The following RYR2 variants were observed in gnomAD, a reference collection of about 807,000 sequenced individuals.
RYR2 encodes the protein ryanodine receptor 2, also known as cardiac muscle ryanodine receptor-calcium release channel.
In RYR2, 227 loss-of-function variants were observed where a neutral mutation model predicts 601.1. That is an observed-to-expected ratio of 0.38 (90% confidence interval 0.34 to 0.42). The LOEUF is 0.42. Ranked by LOEUF, RYR2 falls within the 10% of genes least tolerant of loss-of-function variation. RYR2 has a pLI of 1.00. For missense variants in RYR2, 4,646 were observed against 6,156.5 expected, an observed-to-expected ratio of 0.75 and a Z score of 8.21; for synonymous variants, 2,223 against 2,175.1, an observed-to-expected ratio of 1.02 and a Z score of -0.61.
At chr1:237,668,271 A>T (rs766137860) in intron 58 of RYR2, among the ~76,000 whole-genome samples, 1 of 152,012 alleles carries the variant, frequency 6.6e-6, no homozygotes, top group Non-Finnish European at 1.5e-5. Context: ...CCCCAACTTA[A>T]ATATCTCCTA....
chr1:237,302,270 C>G (rs940763029), intron 2 of RYR2, among the ~76,000 whole-genome samples: 2 of 152,250 alleles, frequency 1.3e-5, no homozygotes, highest in Non-Finnish European at 2.9e-5. Flanking sequence ...GAAACTTTTA[C>G]ATATTTTGCT....
intron 2 of RYR2, among the ~76,000 whole-genome samples, chr1:237,299,756 C>T (rs1693170297): frequency 8.5e-5 from 13 of 152,178 alleles, no homozygotes. Flanking sequence ...TATGTTTTCA[C>T]AGCACATGTG....
chr1:237,674,628 C>A, intron 59 of RYR2, 103 bp from the exon 60 acceptor site: 1 of 552,448 alleles, frequency 1.8e-6, no homozygotes, highest in Non-Finnish European at 3.2e-6. Context: ...TATAGATAAA[C>A]ATATATGTAT....
At chr1:237,235,003 C>T (rs1270278420) in intron 1 of RYR2, among the ~76,000 whole-genome samples, 1 of 152,026 alleles carries the variant, frequency 6.6e-6, no homozygotes, top group Non-Finnish European at 1.5e-5. Flanking sequence ...TAGTAACCCC[C>T]CCTGGGGTTC....
At chr1:237,609,235 A>G (rs1677526920) in intron 35 of RYR2, among the ~76,000 whole-genome samples, 1 of 122,248 alleles carries the variant, frequency 8.2e-6, no homozygotes, top group Admixed American at 9.5e-5. Flanking sequence ...TCTTACTGAC[A>G]GTCTCACTCT....
chr1:237,454,373 G>T lies in RYR2; in HGVS notation c.1293-18G>T. The T allele has an allele frequency of 1.3e-6, 2 of 1,579,506 alleles. No individual in the cohort carries two copies. Among genetic ancestry groups the T allele is most frequent in the Non-Finnish European group, 1.7e-6 (2 of 1,166,854 alleles). On this transcript the variant is annotated intron_variant, in intron 14 of 104. Coordinates refer to ENST00000366574, the MANE Select transcript of RYR2 (RefSeq NM_001035.3). Reference sequence around the variant, plus strand: ...TGTGAATCACTGACAATAGAGAAATGTTTATGGTTTATTTTAGGGGCCTTG... The same window carrying T: ...TGTGAATCACTGACAATAGAGAAATTTTTATGGTTTATTTTAGGGGCCTTG...
intron 54 of RYR2, among the ~76,000 whole-genome samples, chr1:237,658,605 C>G (rs1485082159): frequency 2.6e-5 from 4 of 152,124 alleles, no homozygotes; most frequent in African/African-American, 9.7e-5. Flanking sequence ...GTTGCCCAGG[C>G]TGGTCTCCAA....
Position 237,819,286 on chromosome 1 carries a change from G to A in RYR2, c.14590+94G>A, listed in dbSNP as rs1468181603. The A allele has an allele frequency of 5.8e-6, 7 of 1,204,240 alleles. No individual in the cohort carries two copies. The African/African-American group carries it at 6.0e-5, about 10-fold the overall frequency. The allele number at this position is 1,204,240 out of a possible 1,614,324, so 74.6% of individuals were successfully genotyped here. A position where few individuals can be genotyped will look rare whatever the true frequency, so the allele number is the denominator to read the frequency against. ...TCAAGGTAGGGTAATGACGTCAAGT[G>A]TTTCCTGGCAAAGCCAAATCAAACT... On this transcript the variant is annotated intron_variant, in intron 101 of 104. Coordinates refer to ENST00000366574, the MANE Select transcript of RYR2 (RefSeq NM_001035.3). This position sits in a 1 kb window ranked among gnomAD's most constrained non-coding sequence, Gnocchi z 4.0.
rs559727399 is a variant in RYR2 at position 237,569,053 on chromosome 1, A to T, written c.3424-92A>T. 2.2e-5 allele frequency: 24 copies of T among 1,094,170 alleles called. No individual in the cohort carries two copies. In the South Asian group the frequency reaches 4.5e-4, roughly 20 times the overall value. 67.8% of individuals were successfully genotyped at this position (1,094,170 alleles called of 1,614,324 possible). A position where few individuals can be genotyped will look rare whatever the true frequency, so the allele number is the denominator to read the frequency against. On this transcript the variant is annotated intron_variant, in intron 28 of 104. Transcript: ENST00000366574. ...GTTTCTCCTACTGTTGTGTTGATAG[A>T]AGGGACTGCTGTTAGGTCGTGACAG...
In RYR2 at chr1:237,595,365, C is replaced by A. The variant is rs541975101; in HGVS notation, c.4437-133C>A. On this transcript the variant is annotated intron_variant, in intron 33 of 104. Transcript: ENST00000366574. ...TTTTGCTCAGAATCACAGAATCGGGCCTATTGTGCACCTCTCCCATTACAG... is the reference window on the plus strand; with the variant it reads ...TTTTGCTCAGAATCACAGAATCGGGACTATTGTGCACCTCTCCCATTACAG... The A allele has an allele frequency of 1.6e-5, 15 of 958,184 alleles. No homozygotes were observed. The South Asian group carries it at 2.3e-4, about 15-fold the overall frequency. 59.4% of individuals were successfully genotyped at this position (958,184 alleles called of 1,614,324 possible).
rs144269877 is a variant in RYR2, at chr1:237,265,793, G to A, written c.49-4704G>A. Among the ~76,000 whole-genome samples, 891 of 152,294 alleles carry A rather than the reference G, an allele frequency of 5.9e-3. 11 individuals carry two copies. The highest frequency in any genetic ancestry group is 0.02 in the African/African-American group (850 of 41,562). ...GTGGATTTTGAAGATGTCAAAATGA[G>A]AGATAATTGTAGCTTGGACTAAGGT... On this transcript the variant is annotated intron_variant, in intron 1 of 104. Coordinates refer to ENST00000366574, the MANE Select transcript of RYR2 (RefSeq NM_001035.3).
At chr1:237,344,126 A>G (rs1007402956) in intron 3 of RYR2, among the ~76,000 whole-genome samples, 3 of 152,162 alleles carry the variant, frequency 2.0e-5, no homozygotes, top group African/African-American at 4.8e-5. Context: ...CCTGGCCCCC[A>G]TAAGGGGTTT....
chr1:237,067,665 G>A (rs1663816877), intron 1 of RYR2, among the ~76,000 whole-genome samples: 1 of 152,016 alleles, frequency 6.6e-6, no homozygotes, highest in Admixed American at 6.6e-5. Context: ...ATTTCACCGG[G>A]GTTTCGATAA....
intron 1 of RYR2, among the ~76,000 whole-genome samples, chr1:237,159,560 C>T (rs547413136): frequency 2.0e-5 from 3 of 151,114 alleles, no homozygotes; most frequent in Non-Finnish European, 4.4e-5. Flanking sequence ...GCACAGATTA[C>T]GGGCTCATGC....
chr1:237,818,798 TGAGA>T (rs543147834), intron 100 of RYR2, among the ~76,000 whole-genome samples: 3 of 148,788 alleles, frequency 2.0e-5, no homozygotes, highest in Admixed American at 6.9e-5. Context: ...TTCTCCAAAG[TGAGA>T]GAGAAAGTGC....
chr1:237,758,174 C>T (rs890709504), intron 82 of RYR2, among the ~76,000 whole-genome samples: 9 of 152,116 alleles, frequency 5.9e-5, no homozygotes, highest in Non-Finnish European at 1.3e-4. Flanking sequence ...CACTTAATCT[C>T]TCCAAAACAT....
At chr1:237,719,017 A>G (rs968091370) in intron 73 of RYR2, among the ~76,000 whole-genome samples, 6 of 152,172 alleles carry the variant, frequency 3.9e-5, no homozygotes, top group Admixed American at 3.3e-4. Context: ...TAATCCCAAC[A>G]GTTTGGGAGG....
chr1:237,827,411 G>T (rs1663222351), intron 101 of RYR2, among the ~76,000 whole-genome samples: 1 of 152,108 alleles, frequency 6.6e-6, no homozygotes, highest in Non-Finnish European at 1.5e-5. Context: ...GAGGCGAGAG[G>T]ATCGCTTGAG....
intron 1 of RYR2, among the ~76,000 whole-genome samples, chr1:237,241,142 A>G (rs532119855): frequency 6.6e-6 from 1 of 152,334 alleles, no homozygotes; most frequent in South Asian, 2.1e-4. Flanking sequence ...GAAGTCACAC[A>G]GGACATAGTT....
Sources: gnomAD v4.1 joint callset for allele counts (sites outside exome capture counted in the v4.1 genomes callset) on GRCh38, gnomAD v4.1.1 for gene constraint, Gnocchi (gnomAD v3.1) non-coding constraint, MANE v1.5 for transcripts, NCBI Gene and HGNC (gene_info 2026-07-23, HGNC 2026-07-21) for gene names.